Variants in ZNF154 observed in about 807,000 individuals in gnomAD.
ZNF154 encodes zinc finger protein 154 (pHZ-92).
In ZNF154, 6 loss-of-function variants were observed where a neutral mutation model predicts 7.5. That is an observed-to-expected ratio of 0.80 (90% confidence interval 0.44 to 1.57). ZNF154 has a LOEUF of 1.57. Among genes scored for constraint, ZNF154 ranks in the 40% most tolerant of loss-of-function variants. ZNF154 has a pLI of 0.01. For synonymous variants in ZNF154, 187 were observed against 185.9 expected (o/e 1.01, Z -0.05); for missense variants, 485 against 531.4 (o/e 0.91, Z 0.86).
chr19:57,697,861 A>G lies in ZNF154; in HGVS notation c.*3774T>C, dbSNP rs538536975. 144 of 152,266 alleles carry G rather than the reference A, an allele frequency of 9.5e-4. 1 individual carries two copies. Among genetic ancestry groups the G allele is most frequent in the African/African-American group, 3.3e-3 (136 of 41,550 alleles). 9.4% of individuals were successfully genotyped at this position (152,266 alleles called of 1,614,324 possible). ...ACACAGCTGTAACAGGAGACAAAAT[A>G]TGTCATTGTACCAGTAATTTTACAC... On this transcript the variant is annotated 3_prime_UTR_variant, in exon 3 of 3. Transcript: ENST00000684351.
chr19:57,697,129 T>G lies in ZNF154; in HGVS notation c.*4506A>C, dbSNP rs919281733. Among the ~76,000 whole-genome samples, 3 of 152,232 alleles carry G rather than the reference T, an allele frequency of 2.0e-5. No individual in the cohort carries two copies. Among genetic ancestry groups the G allele is most frequent in the Admixed American group, 2.0e-4 (3 of 15,292 alleles). On this transcript the variant is annotated 3_prime_UTR_variant, in exon 3 of 3. Coordinates refer to ENST00000684351, the MANE Select transcript of ZNF154 (RefSeq NM_001085384.3). The stretch of plus-strand genomic sequence containing the variant: ...ATATGAAGGAGTGAGGCTTTTTTCT[T>G]ACCTTGCAATTTCTTAGTGGATTGT...
intron 2 of ZNF154, among the ~76,000 whole-genome samples, chr19:57,703,484 C>CAAAAAAAAA (rs3062223): frequency 4.0e-5 from 3 of 75,136 alleles, no homozygotes; most frequent in Middle Eastern, 0.012. Flanking sequence ...GACTCCGTCT[C>CAAAAAAAAA]AAAAAAAAAA....
Position 57,701,409 on chromosome 19 carries a change from G to A in ZNF154, c.*226C>T. 2 of 566,104 alleles carry A rather than the reference G, an allele frequency of 3.5e-6. No homozygotes were observed. The highest frequency in any genetic ancestry group is 1.9e-5 in the African/African-American group (1 of 53,524). 35.1% of individuals were successfully genotyped at this position (566,104 alleles called of 1,614,324 possible). A position where few individuals can be genotyped will look rare whatever the true frequency, so the allele number is the denominator to read the frequency against. ...TACCTGGAATTTATGCAGATGTTCA[G>A]ATATAGGATGTTCAATTCAGGCTGA... On this transcript the variant is annotated 3_prime_UTR_variant, in exon 3 of 3. Coordinates refer to ENST00000684351, the MANE Select transcript of ZNF154 (RefSeq NM_001085384.3).
At position 57,701,477 on chromosome 19, in the gene ZNF154, C is replaced by T. The variant is rs1026296997; in HGVS notation, c.*158G>A. The T allele has an allele frequency of 1.3e-6, 1 of 769,970 alleles. No homozygotes were observed. Among genetic ancestry groups the T allele is most frequent in the African/African-American group, 1.8e-5 (1 of 56,828 alleles). The allele number at this position is 769,970 out of a possible 1,614,324, so 47.7% of individuals were successfully genotyped here. ...ATCTCCTTCAGAGCTGTTATATCAACTGGACATCCCTACATATCAAAAGTG... is the reference window on the plus strand; with the variant it reads ...ATCTCCTTCAGAGCTGTTATATCAATTGGACATCCCTACATATCAAAAGTG... On this transcript the variant is annotated 3_prime_UTR_variant, in exon 3 of 3. Transcript: ENST00000684351.
In ZNF154 at chr19:57,699,418, T is replaced by C; in HGVS notation, c.*2217A>G. 1 of 289,098 alleles carries C rather than the reference T, an allele frequency of 3.5e-6. No homozygotes were observed. The allele number at this position is 289,098 out of a possible 1,614,324, so 17.9% of individuals were successfully genotyped here. A position where few individuals can be genotyped will look rare whatever the true frequency, so the allele number is the denominator to read the frequency against. The stretch of plus-strand genomic sequence containing the variant: ...TCTTACTTGAGTTCCCAATGGGTCG[T>C]AAAGCAGCAGAGACAACTCACGATA... On this transcript the variant is annotated 3_prime_UTR_variant, in exon 3 of 3. Transcript: ENST00000684351.
At chr19:57,708,680 A>G (rs2122422395) in intron 1 of ZNF154, among the ~76,000 whole-genome samples, 1 of 152,244 alleles carries the variant, frequency 6.6e-6, no homozygotes, top group African/African-American at 2.4e-5. Context: ...ACTCCGCCTC[A>G]TATTCTTCGT....
chr19:57,699,430 G>T lies in ZNF154; in HGVS notation c.*2205C>A. Reference sequence around the variant, plus strand: ...TCCCAATGGGTCGTAAAGCAGCAGAGACAACTCACGATATAAACACATTTG... The same window carrying T: ...TCCCAATGGGTCGTAAAGCAGCAGATACAACTCACGATATAAACACATTTG... On this transcript the variant is annotated 3_prime_UTR_variant, in exon 3 of 3. Coordinates refer to ENST00000684351, the MANE Select transcript of ZNF154 (RefSeq NM_001085384.3). 3.2e-6 allele frequency: 1 copy of T among 313,618 alleles called. No individual in the cohort carries two copies. The highest frequency in any genetic ancestry group is 2.7e-5 in the South Asian group (1 of 37,692). The allele number at this position is 313,618 out of a possible 1,614,324, so 19.4% of individuals were successfully genotyped here. A position where few individuals can be genotyped will look rare whatever the true frequency, so the allele number is the denominator to read the frequency against.
At position 57,704,756 on chromosome 19, in the gene ZNF154, C is replaced by T. The variant is rs956871352; in HGVS notation, c.160+97G>A. 8 of 1,472,560 alleles carry T rather than the reference C, an allele frequency of 5.4e-6. No homozygotes were observed. The Admixed American group carries it at 1.8e-4, about 34-fold the overall frequency. The allele number at this position is 1,472,560 out of a possible 1,614,324, so 91.2% of individuals were successfully genotyped here. On this transcript the variant is annotated intron_variant, in intron 2 of 2. Transcript: ENST00000684351. ...GCAGGGAACTGAGAAAGAAGCAGAG[C>T]CCATAGTCTTGTCATGAGAAGGACA...
At position 57,697,822 on chromosome 19, in the gene ZNF154, T is replaced by A. The variant is rs546192862; in HGVS notation, c.*3813A>T. The A allele has an allele frequency of 6.6e-6, 1 of 152,304 alleles. No individual in the cohort carries two copies. The highest frequency in any genetic ancestry group is 2.4e-5 in the African/African-American group (1 of 41,580). 9.4% of individuals were successfully genotyped at this position (152,304 alleles called of 1,614,324 possible). A position where few individuals can be genotyped will look rare whatever the true frequency, so the allele number is the denominator to read the frequency against. On this transcript the variant is annotated 3_prime_UTR_variant, in exon 3 of 3. Transcript: ENST00000684351. ...GGCTTCATAACAGTCTTTTCCATCT[T>A]TTTTTGTAATTGAACACAGCTGTAA...
Position 57,701,565 on chromosome 19 carries a change from A to C in ZNF154, c.*70T>G. 1 of 1,505,242 alleles carries C rather than the reference A, an allele frequency of 6.6e-7. No homozygotes were observed. The highest frequency in any genetic ancestry group is 9.0e-7 in the Non-Finnish European group (1 of 1,111,122). The allele number at this position is 1,505,242 out of a possible 1,614,324, so 93.2% of individuals were successfully genotyped here. On this transcript the variant is annotated 3_prime_UTR_variant, in exon 3 of 3. Transcript: ENST00000684351. ...TGGCCTTCAGCTGAAGCTTTCTGAC[A>C]TTCACTGTGTACTCAAGGACTTTCT...
intron 1 of ZNF154, among the ~76,000 whole-genome samples, chr19:57,707,386 T>G (rs1480476505): frequency 6.6e-6 from 1 of 152,204 alleles, no homozygotes; most frequent in Admixed American, 6.5e-5. Context: ...CATGGGGTCA[T>G]CGCTGAATCC....
Position 57,698,631 on chromosome 19 carries a change from CGTTTTTGCAT to C in ZNF154, c.*2994_*3003del, listed in dbSNP as rs1218145055. On this transcript the variant is annotated 3_prime_UTR_variant, in exon 3 of 3. Coordinates refer to ENST00000684351, the MANE Select transcript of ZNF154 (RefSeq NM_001085384.3). ...ATCAGGTTAGTGCAAAAGTAATTGCCGTTTTTGCATGTTGGATTTTGCCATTTTATATTGG... is the reference window on the plus strand; with the variant it reads ...ATCAGGTTAGTGCAAAAGTAATTGCCGTTGGATTTTGCCATTTTATATTGG... 6.6e-6 allele frequency: 1 copy of C among 151,938 alleles called. No individual in the cohort carries two copies. The highest frequency in any genetic ancestry group is 6.6e-5 in the Admixed American group (1 of 15,258). The allele number at this position is 151,938 out of a possible 1,614,324, so 9.4% of individuals were successfully genotyped here.
intron 2 of ZNF154, among the ~76,000 whole-genome samples, chr19:57,703,595 C>A (rs1321900337): frequency 6.6e-6 from 1 of 151,968 alleles, no homozygotes; most frequent in African/African-American, 2.4e-5. Context: ...AAACTAAATC[C>A]TCTGCAAACA....
Position 57,704,939 on chromosome 19 carries a change from CAGG to C in ZNF154, c.71_73del (p.Ser24del), listed in dbSNP as rs1317375309. On this transcript the variant is annotated inframe_deletion, in exon 2 of 3. Coordinates refer to ENST00000684351, the MANE Select transcript of ZNF154 (RefSeq NM_001085384.3). ...CTCATCAAGGAGACCCCATTCCTCC[CAGG>C]AGAAGTGTACGGCCACATCTTCAAA... 3 of 1,613,712 alleles carry C rather than the reference CAGG, an allele frequency of 1.9e-6. No homozygotes were observed. The highest frequency in any genetic ancestry group is 1.7e-5 in the Admixed American group (1 of 59,938).
rs1985128020 is a variant in ZNF154, at chr19:57,701,413, T to C, written c.*222A>G. 1.1e-5 allele frequency: 6 copies of C among 570,944 alleles called. No individual in the cohort carries two copies. The highest frequency in any genetic ancestry group is 8.9e-5 in the South Asian group (4 of 44,886). The allele number at this position is 570,944 out of a possible 1,614,324, so 35.4% of individuals were successfully genotyped here. A position where few individuals can be genotyped will look rare whatever the true frequency, so the allele number is the denominator to read the frequency against. On this transcript the variant is annotated 3_prime_UTR_variant, in exon 3 of 3. Transcript: ENST00000684351. The stretch of plus-strand genomic sequence containing the variant: ...TGGAATTTATGCAGATGTTCAGATA[T>C]AGGATGTTCAATTCAGGCTGATGCC...
chr19:57,708,991 T>G lies in ZNF154; in HGVS notation c.-20A>C, dbSNP rs1985517522. On this transcript the variant is annotated 5_prime_UTR_variant, in exon 1 of 3. Coordinates refer to ENST00000684351, the MANE Select transcript of ZNF154 (RefSeq NM_001085384.3). ...TGCCATCAGACTCTGCGGGTAGAGCTGGGCCGGGAGCGACGGGCGACATTG... is the reference window on the plus strand; with the variant it reads ...TGCCATCAGACTCTGCGGGTAGAGCGGGGCCGGGAGCGACGGGCGACATTG... 1 of 1,555,498 alleles carries G rather than the reference T, an allele frequency of 6.4e-7. No individual in the cohort carries two copies. Among genetic ancestry groups the G allele is most frequent in the African/African-American group, 1.4e-5 (1 of 72,516 alleles).
Position 57,699,502 on chromosome 19 carries a change from G to T in ZNF154, c.*2133C>A. The T allele has an allele frequency of 2.8e-6, 1 of 353,018 alleles. No homozygotes were observed. Among genetic ancestry groups the T allele is most frequent in the Non-Finnish European group, 5.8e-6 (1 of 171,514 alleles). 21.9% of individuals were successfully genotyped at this position (353,018 alleles called of 1,614,324 possible). A position where few individuals can be genotyped will look rare whatever the true frequency, so the allele number is the denominator to read the frequency against. ...GTACAGTGCAGTGGTGGTTCAAGAA[G>T]TTTTGCAAAGGAGACAAGAGCCTTG... is the stretch of plus-strand genomic sequence containing the variant. On this transcript the variant is annotated 3_prime_UTR_variant, in exon 3 of 3. Transcript: ENST00000684351.
At chr19:57,703,905 A>T (rs769136814) in intron 2 of ZNF154, among the ~76,000 whole-genome samples, 1 of 152,124 alleles carries the variant, frequency 6.6e-6, no homozygotes, top group Non-Finnish European at 1.5e-5. Flanking sequence ...GCTACTCAGG[A>T]GGCTGAGGCA....
rs757340562 is a variant in ZNF154 at position 57,704,967 on chromosome 19, A to T, written c.46T>A (p.Phe16Ile). ...GAGAAGTGTACGGCCACATCTTCAA[A>T]GGTCACAGTGCCCTGCCACAATGGG... The part of the protein sequence containing the change: ...LRTPTQGTVT[F>I]EDVAVHFSWE... Residue 16 changes from phenylalanine to isoleucine, a missense_variant, in exon 2 of 3, where the codon TTT becomes ATT. Transcript: ENST00000684351. 6.2e-7 allele frequency: 1 copy of T among 1,612,160 alleles called. No homozygotes were observed. Among genetic ancestry groups the T allele is most frequent in the Non-Finnish European group, 8.5e-7 (1 of 1,179,336 alleles).
Sources: gnomAD v4.1 joint callset for allele counts (sites outside exome capture counted in the v4.1 genomes callset) on GRCh38, gnomAD v4.1.1 for gene constraint, MANE v1.5 for transcripts, NCBI Gene and HGNC (gene_info 2026-07-23, HGNC 2026-07-21) for gene names.